Variants in AGO3 observed in about 807,000 individuals in gnomAD.
The protein encoded by AGO3 is argonaute RISC catalytic component 3, also known as protein argonaute-3.
In AGO3, 16 loss-of-function variants were observed where a neutral mutation model predicts 105.5. The ratio of observed to expected loss-of-function variants is 0.15; its 90% CI spans 0.10 to 0.23. The LOEUF (loss-of-function observed/expected upper bound fraction) is 0.23, where lower values mean the gene tolerates loss of function less well. AGO3 is among the 10% of genes least tolerant of loss of function. AGO3 has a pLI of 1.00. For synonymous variants in AGO3, 340 were observed against 367.3 expected (o/e 0.93, Z 0.85); for missense variants, 534 against 1,088.0 (o/e 0.49, Z 7.16).
At chr1:36,044,828 C>T (rs566717500) in intron 17 of AGO3, among the ~76,000 whole-genome samples, 1 of 152,306 alleles carries the variant, frequency 6.6e-6, no homozygotes, top group East Asian at 1.9e-4. Context: ...CTTGGTGGAA[C>T]ATAAGCTTTA....
chr1:36,044,512 C>T (rs1642383364), intron 17 of AGO3, among the ~76,000 whole-genome samples: 2 of 152,070 alleles, frequency 1.3e-5, no homozygotes, highest in South Asian at 2.1e-4. Flanking sequence ...CAAGCTCCGC[C>T]TCCCAGGTTC....
Position 35,945,979 on chromosome 1 carries a change from C to G in AGO3, c.191+116C>G, listed in dbSNP as rs970535127. 1.6e-5 allele frequency: 17 copies of G among 1,080,508 alleles called. No homozygotes were observed. The African/African-American group carries it at 2.7e-4, about 17-fold the overall frequency. 66.9% of individuals were successfully genotyped at this position (1,080,508 alleles called of 1,614,324 possible). The stretch of plus-strand genomic sequence containing the variant: ...TGTGTAACAGTTTGACCAAAAACAT[C>G]TGGTAATTTGTTTTAAAACTGATTG... On this transcript the variant is annotated intron_variant, in intron 2 of 18. Coordinates refer to ENST00000373191, the MANE Select transcript of AGO3 (RefSeq NM_024852.4).
intron 5 of AGO3, among the ~76,000 whole-genome samples, chr1:35,979,107 G>A (rs1647003640): frequency 6.6e-6 from 1 of 152,256 alleles, no homozygotes; most frequent in South Asian, 2.1e-4. Flanking sequence ...GCTCATGCCT[G>A]TAATCCCAGC....
At chr1:36,025,416 A>T (rs564491392) in intron 11 of AGO3, among the ~76,000 whole-genome samples, 1 of 151,988 alleles carries the variant, frequency 6.6e-6, no homozygotes, top group East Asian at 1.9e-4. Flanking sequence ...CCAAAAAAAA[A>T]AAAAAACAAA....
In AGO3 at chr1:36,066,996, A is replaced by G. The variant is rs1053565393; in HGVS notation, c.*11251A>G. On this transcript the variant is annotated 3_prime_UTR_variant, in exon 19 of 19. Transcript: ENST00000373191. ...TTGTCCCAGACCCAAAGGCACACCT[A>G]TTCTCAGTAACTTAGAGAAGTCTTG... The G allele has an allele frequency of 3.9e-5, 6 of 152,238 alleles. No individual in the cohort carries two copies. The highest frequency in any genetic ancestry group is 7.2e-5 in the African/African-American group (3 of 41,456). 9.4% of individuals were successfully genotyped at this position (152,238 alleles called of 1,614,324 possible). A position where few individuals can be genotyped will look rare whatever the true frequency, so the allele number is the denominator to read the frequency against.
At chr1:35,937,260 G>A (rs1039528403) in intron 1 of AGO3, among the ~76,000 whole-genome samples, 4 of 151,996 alleles carry the variant, frequency 2.6e-5, no homozygotes, top group Non-Finnish European at 4.4e-5. Flanking sequence ...AAAATTAGCC[G>A]GGCATAGTGG....
At chr1:35,986,218 G>A (rs1048962171) in intron 5 of AGO3, among the ~76,000 whole-genome samples, 2 of 152,208 alleles carry the variant, frequency 1.3e-5, no homozygotes, top group African/African-American at 4.8e-5. Flanking sequence ...CCCATAAAGA[G>A]ATATCTTGCA....
intron 6 of AGO3, among the ~76,000 whole-genome samples, chr1:36,007,081 AAGCAGTAGC>A (rs1423938780): frequency 1.3e-5 from 2 of 152,190 alleles, no homozygotes; most frequent in African/African-American, 4.8e-5. Flanking sequence ...ACTCAATAGA[AAGCAGTAGC>A]ATCTCTAGTC....
chr1:36,036,483 A>G (rs1642014505), intron 14 of AGO3, among the ~76,000 whole-genome samples: 1 of 152,270 alleles, frequency 6.6e-6, no homozygotes, highest in East Asian at 1.9e-4. Context: ...AATCTTCTGT[A>G]TTATACTTTA....
chr1:36,039,733 TTTGA>T, intron 14 of AGO3, 53 bp from the exon 15 acceptor site: 2 of 1,122,168 alleles, frequency 1.8e-6, no homozygotes, highest in African/African-American at 1.6e-5. Flanking sequence ...TTCATGTAAT[TTTGA>T]TTATCATTTA....
intron 1 of AGO3, among the ~76,000 whole-genome samples, chr1:35,942,863 AT>A (rs1485615407): frequency 6.6e-6 from 1 of 152,218 alleles, no homozygotes; most frequent in Admixed American, 6.5e-5. Context: ...AACTATATCC[AT>A]TTAACAAATC....
rs1328007443 is a variant in AGO3, at chr1:36,027,361, AAAC to A, written c.1591+65_1591+67del. On this transcript the variant is annotated intron_variant, in intron 12 of 18. Coordinates refer to ENST00000373191, the MANE Select transcript of AGO3 (RefSeq NM_024852.4). The surrounding 1 kb of genome is among the most constrained non-coding windows in gnomAD (Gnocchi z 4.0). ...TTGATGTCCTTTTAGGATTATACTG[AAAC>A]ATATCCTAAAACTTTCAAATATTAA... 12 of 1,381,502 alleles carry A rather than the reference AAAC, an allele frequency of 8.7e-6. No individual in the cohort carries two copies. In the East Asian group the frequency reaches 2.6e-4, roughly 30 times the overall value. The allele number at this position is 1,381,502 out of a possible 1,614,324, so 85.6% of individuals were successfully genotyped here.
chr1:35,966,513 A>T (rs1332392196), intron 2 of AGO3, among the ~76,000 whole-genome samples: 3 of 152,200 alleles, frequency 2.0e-5, no homozygotes, highest in Non-Finnish European at 2.9e-5. Context: ...TGCTCTCAGG[A>T]GGCTCACAGT....
At chr1:35,931,522 G>A in intron 1 of AGO3, 77 bp downstream of exon 1, 1 of 1,308,092 alleles carries the variant, frequency 7.6e-7, no homozygotes, top group Non-Finnish European at 9.9e-7. Context: ...CCTCCCGCCC[G>A]GCCCAGGTGC....
intron 1 of AGO3, among the ~76,000 whole-genome samples, chr1:35,943,084 C>G (rs1646286720): frequency 6.6e-6 from 1 of 151,880 alleles, no homozygotes; most frequent in Non-Finnish European, 1.5e-5. Context: ...CTCACTGCAG[C>G]CTCCACCTCC....
chr1:36,038,890 C>T (rs1022784097), intron 14 of AGO3, among the ~76,000 whole-genome samples: 8 of 152,096 alleles, frequency 5.3e-5, no homozygotes, highest in Admixed American at 2.0e-4. Context: ...ATTTATGAAG[C>T]GTAACAGTTC....
intron 5 of AGO3, among the ~76,000 whole-genome samples, chr1:36,002,934 G>A (rs1002354262): frequency 1.3e-5 from 2 of 152,128 alleles, no homozygotes; most frequent in Admixed American, 6.5e-5. Context: ...AGCCGGGTGT[G>A]GTGGTGGGCA....
chr1:35,982,639 A>G (rs1647074461), intron 5 of AGO3: 1 of 717,660 alleles, frequency 1.4e-6, no homozygotes, highest in East Asian at 2.7e-5. Flanking sequence ...CTCTGGCAGC[A>G]GTGTGGAGAA....
chr1:35,940,516 A>G (rs1358743452), intron 1 of AGO3, among the ~76,000 whole-genome samples: 1 of 152,068 alleles, frequency 6.6e-6, no homozygotes, highest in East Asian at 1.9e-4. Flanking sequence ...ATTTTTCACG[A>G]TCTGGATTTT....
Sources: gnomAD v4.1 joint callset for allele counts (sites outside exome capture counted in the v4.1 genomes callset) on GRCh38, gnomAD v4.1.1 for gene constraint, Gnocchi (gnomAD v3.1) non-coding constraint, MANE v1.5 for transcripts, NCBI Gene and HGNC (gene_info 2026-07-23, HGNC 2026-07-21) for gene names.